GRID2: variants seen among roughly 807,000 people sequenced by gnomAD.
The protein encoded by GRID2 is glutamate receptor ionotropic, delta-2.
Under a neutral mutation model 114.8 loss-of-function variants are expected in GRID2, and 33 were observed. The ratio of observed to expected loss-of-function variants is 0.29; its 90% CI spans 0.22 to 0.38. The LOEUF (loss-of-function observed/expected upper bound fraction) is 0.38, where lower values mean the gene tolerates loss of function less well. Ranked by LOEUF, GRID2 falls within the 10% of genes least tolerant of loss-of-function variation. GRID2 has a pLI of 1.00. For synonymous variants in GRID2, 505 were observed against 449.9 expected, an observed-to-expected ratio of 1.12 and a Z score of -1.55; for missense variants, 1,184 against 1,257.7, an observed-to-expected ratio of 0.94 and a Z score of 0.89.
At chr4:92,498,906 A>T (rs1723529868) in intron 1 of GRID2, among the ~76,000 whole-genome samples, 1 of 140,098 alleles carries the variant, frequency 7.1e-6, no homozygotes, top group Admixed American at 7.8e-5. Context: ...CATGTAGGAA[A>T]TGAGACAAGA....
chr4:93,143,798 CACAACATAGAT>C (rs1464079757), intron 4 of GRID2, among the ~76,000 whole-genome samples: 1 of 152,104 alleles, frequency 6.6e-6, no homozygotes, highest in African/African-American at 2.4e-5. Flanking sequence ...AACATCTAAA[CACAACATAGAT>C]ATCTGTGAGG....
At chr4:93,400,778 A>C (rs1396234962) in intron 9 of GRID2, among the ~76,000 whole-genome samples, 1 of 152,086 alleles carries the variant, frequency 6.6e-6, no homozygotes, top group African/African-American at 2.4e-5. Flanking sequence ...CCTAATAAAC[A>C]TACATTCACT....
intron 13 of GRID2, 82 bp from the exon 14 acceptor site, chr4:93,626,187 G>A (rs1578428441): frequency 1.5e-6 from 1 of 683,798 alleles, no homozygotes; most frequent in East Asian, 2.6e-5. Context: ...ATATACCAAT[G>A]TAATGTTTTT....
At chr4:93,125,003 G>A (rs1734139743) in intron 4 of GRID2, among the ~76,000 whole-genome samples, 1 of 151,920 alleles carries the variant, frequency 6.6e-6, no homozygotes, top group Non-Finnish European at 1.5e-5. Context: ...GTTTCTACTT[G>A]TAGAAAAGTG....
intron 14 of GRID2, among the ~76,000 whole-genome samples, chr4:93,689,412 C>T (rs371694356): frequency 6.6e-6 from 1 of 152,136 alleles, no homozygotes; most frequent in East Asian, 1.9e-4. Flanking sequence ...CCAAAGTCCC[C>T]AGCAATCATA....
At chr4:92,459,649 A>G (rs1721382049) in intron 1 of GRID2, among the ~76,000 whole-genome samples, 1 of 152,028 alleles carries the variant, frequency 6.6e-6, no homozygotes, top group Non-Finnish European at 1.5e-5. Context: ...GTCTACCCAA[A>G]ATTTTATTCT....
intron 14 of GRID2, among the ~76,000 whole-genome samples, chr4:93,725,158 G>A (rs931698490): frequency 3.3e-5 from 5 of 151,938 alleles, no homozygotes; most frequent in Admixed American, 2.6e-4. Flanking sequence ...AACAGTCCCT[G>A]GTGTGTGATG....
At chr4:92,855,026 G>A (rs1214930830) in intron 2 of GRID2, among the ~76,000 whole-genome samples, 2 of 151,932 alleles carry the variant, frequency 1.3e-5, no homozygotes, top group South Asian at 2.1e-4. Flanking sequence ...TAAAAGTTCT[G>A]GCATATCTGC....
intron 1 of GRID2, among the ~76,000 whole-genome samples, chr4:92,357,600 C>T (rs573592391): frequency 1.3e-5 from 2 of 151,688 alleles, no homozygotes; most frequent in South Asian, 4.2e-4. Flanking sequence ...ATAATTTTCA[C>T]ATTATTAGTT....
At position 93,229,360 on chromosome 4, in the gene GRID2, T is replaced by A. The variant is rs77257086; in HGVS notation, c.1125+4585T>A. On this transcript the variant is annotated intron_variant, in intron 7 of 15. Coordinates refer to ENST00000282020, the MANE Select transcript of GRID2 (RefSeq NM_001510.4). ...AGAGGGAGTGGCCTGGGCCTTTTTGTTGACTAGGGGTTAGGGCTGGCAAAA... is the reference window on the plus strand; with the variant it reads ...AGAGGGAGTGGCCTGGGCCTTTTTGATGACTAGGGGTTAGGGCTGGCAAAA... Among the ~76,000 whole-genome samples the A allele has an allele frequency of 4.6e-5, 7 of 152,242 alleles. No homozygotes were observed. The East Asian group carries it at 1.2e-3, about 25-fold the overall frequency.
intron 2 of GRID2, among the ~76,000 whole-genome samples, chr4:92,751,586 ATG>A (rs1159963146): frequency 1.3e-5 from 2 of 152,220 alleles, no homozygotes; most frequent in Non-Finnish European, 2.9e-5. Flanking sequence ...TTTCTTTTCA[ATG>A]TTGTTAAATA....
At chr4:93,276,821 T>G (rs988024078) in intron 8 of GRID2, among the ~76,000 whole-genome samples, 3 of 151,942 alleles carry the variant, frequency 2.0e-5, no homozygotes, top group African/African-American at 7.2e-5. Context: ...TATTGCCACT[T>G]TTAAATCAAA....
intron 1 of GRID2, among the ~76,000 whole-genome samples, chr4:92,542,213 G>A (rs1726000566): frequency 6.6e-6 from 1 of 152,006 alleles, no homozygotes; most frequent in Non-Finnish European, 1.5e-5. Flanking sequence ...CTTGGGAGAT[G>A]AAGATGGGAG....
chr4:93,230,825 T>C (rs1211748553), intron 7 of GRID2, among the ~76,000 whole-genome samples: 1 of 152,122 alleles, frequency 6.6e-6, no homozygotes, highest in Non-Finnish European at 1.5e-5. Context: ...ATATAAACCC[T>C]ATTTAAGTTT....
intron 2 of GRID2, among the ~76,000 whole-genome samples, chr4:92,638,833 T>C (rs1266066367): frequency 6.6e-6 from 1 of 151,124 alleles, no homozygotes; most frequent in Non-Finnish European, 1.5e-5. Context: ...CTTTGAAATA[T>C]CTAATATCCA....
chr4:92,312,922 C>G (rs1024666392), intron 1 of GRID2, among the ~76,000 whole-genome samples: 2 of 151,996 alleles, frequency 1.3e-5, no homozygotes, highest in Admixed American at 1.3e-4. Context: ...TTTGATGCAG[C>G]AGCAACCCCA....
At chr4:93,459,133 T>C (rs1027095404) in intron 11 of GRID2, among the ~76,000 whole-genome samples, 5 of 131,168 alleles carry the variant, frequency 3.8e-5, no homozygotes. Flanking sequence ...TGAGCCGAGA[T>C]TGTGCCATTG....
At position 93,538,675 on chromosome 4, in the gene GRID2, T is replaced by A. The variant is rs538119405; in HGVS notation, c.2193+23264T>A. Among the ~76,000 whole-genome samples, 183 of 151,746 alleles carry A rather than the reference T, an allele frequency of 1.2e-3. 1 individual carries two copies. Among genetic ancestry groups the A allele is most frequent in the African/African-American group, 4.2e-3 (176 of 41,490 alleles). ...CTACCATGGTATTCTTTCAAAAAAA[T>A]TCATAACCCAAGTCTAATCATGAGA... On this transcript the variant is annotated intron_variant, in intron 13 of 15. Transcript: ENST00000282020.
intron 1 of GRID2, among the ~76,000 whole-genome samples, chr4:92,415,773 T>TATATATATAC (rs1553932682): frequency 1.5e-4 from 19 of 129,372 alleles, no homozygotes; most frequent in African/African-American, 6.0e-4. Flanking sequence ...TATATATATA[T>TATATATATAC]ATATATATCA....
Sources: gnomAD v4.1 joint callset for allele counts (sites outside exome capture counted in the v4.1 genomes callset) on GRCh38, gnomAD v4.1.1 for gene constraint, MANE v1.5 for transcripts, NCBI Gene and HGNC (gene_info 2026-07-23, HGNC 2026-07-21) for gene names.